Variants in RNF144B observed in about 807,000 individuals in gnomAD.
RNF144B encodes the protein E3 ubiquitin-protein ligase RNF144B.
In RNF144B, 25 loss-of-function variants were observed where a neutral mutation model predicts 40.2. The observed-to-expected ratio is 0.62, with a 90% CI of 0.45 to 0.87. The LOEUF (loss-of-function observed/expected upper bound fraction) is 0.87. Among genes scored for constraint, RNF144B ranks in the 40% least tolerant of loss-of-function variants. The pLI, the probability that RNF144B is intolerant of heterozygous loss-of-function variation, is 0.00. For missense variants in RNF144B, 365 were observed against 373.7 expected, an observed-to-expected ratio of 0.98 and a Z score of 0.19; for synonymous variants, 145 against 136.3, an observed-to-expected ratio of 1.06 and a Z score of -0.44.
chr6:18,425,056 G>GTGTGT lies in RNF144B; in HGVS notation c.166-2525_166-2524insTGTGT, dbSNP rs1758517556. On this transcript the variant is annotated intron_variant, in intron 2 of 7. Transcript: ENST00000259939. The surrounding 1 kb of genome is among the most constrained non-coding windows in gnomAD (Gnocchi z 4.2). ...TTTCACGTGTATGTGTGTATGTGTG[G>GTGTGT]GTGTGTGTGTGTGTGTGTTAAAACC... Among the ~76,000 whole-genome samples, 1 of 151,112 alleles carries GTGTGT rather than the reference G, an allele frequency of 6.6e-6. No homozygotes were observed. Among genetic ancestry groups the GTGTGT allele is most frequent in the African/African-American group, 2.4e-5 (1 of 41,170 alleles).
chr6:18,392,186 C>T (rs1188158433), intron 1 of RNF144B, among the ~76,000 whole-genome samples: 1 of 151,648 alleles, frequency 6.6e-6, no homozygotes, highest in Admixed American at 6.6e-5. Context: ...GCAGCCTGGG[C>T]GACAGAGCGA....
chr6:18,428,493 C>CTT (rs201060474), intron 3 of RNF144B, among the ~76,000 whole-genome samples: 1 of 151,250 alleles, frequency 6.6e-6, no homozygotes, highest in Admixed American at 6.6e-5. Context: ...AAATCTTTTT[C>CTT]TTTTTTTTTC....
At position 18,416,779 on chromosome 6, in the gene RNF144B, G is replaced by T. The variant is rs913114668; in HGVS notation, c.166-10802G>T. On this transcript the variant is annotated intron_variant, in intron 2 of 7. Coordinates refer to ENST00000259939, the MANE Select transcript of RNF144B (RefSeq NM_182757.4). This position sits in a 1 kb window ranked among gnomAD's most constrained non-coding sequence, Gnocchi z 5.5. ...CTCTATGGAGAGGTTGGGTAGAAAAGAGTGATGAGGGGCATAAAAGTATCT... is the reference window on the plus strand; with the variant it reads ...CTCTATGGAGAGGTTGGGTAGAAAATAGTGATGAGGGGCATAAAAGTATCT... Among the ~76,000 whole-genome samples, 1 of 152,174 alleles carries T rather than the reference G, an allele frequency of 6.6e-6. No individual in the cohort carries two copies. Among genetic ancestry groups the T allele is most frequent in the Non-Finnish European group, 1.5e-5 (1 of 68,028 alleles).
Position 18,465,857 on chromosome 6 carries a change from A to G in RNF144B, c.*790A>G, listed in dbSNP as rs1250087763. 1.3e-5 allele frequency: 2 copies of G among 152,264 alleles called. No individual in the cohort carries two copies. Among genetic ancestry groups the G allele is most frequent in the Non-Finnish European group, 2.9e-5 (2 of 68,050 alleles). 9.4% of individuals were successfully genotyped at this position (152,264 alleles called of 1,614,324 possible). A position where few individuals can be genotyped will look rare whatever the true frequency, so the allele number is the denominator to read the frequency against. ...TGTGGTCTACAGAATTGTTTCATAT[A>G]AAATACGGGTAGAGTGGTAGAGTTT... On this transcript the variant is annotated 3_prime_UTR_variant, in exon 8 of 8. Transcript: ENST00000259939.
intron 3 of RNF144B, 70 bp downstream of exon 3, chr6:18,427,755 G>A (rs1582422874): frequency 1.9e-6 from 2 of 1,032,540 alleles, no homozygotes; most frequent in East Asian, 2.5e-5. Flanking sequence ...GAGTCTTTAT[G>A]TATTTCCCTA....
Position 18,441,168 on chromosome 6 carries a change from T to TA in RNF144B, c.331+1426dup, listed in dbSNP as rs143635495. Among the ~76,000 whole-genome samples, 807 of 152,242 alleles carry TA rather than the reference T, an allele frequency of 5.3e-3. 7 individuals are homozygous for TA. The highest frequency in any genetic ancestry group is 0.018 in the African/African-American group (760 of 41,552). On this transcript the variant is annotated intron_variant, in intron 4 of 7. Transcript: ENST00000259939. The surrounding 1 kb of genome is among the most constrained non-coding windows in gnomAD (Gnocchi z 4.9). Reference sequence around the variant, plus strand: ...TAACACCAGATATGATAGCTAAAGATAAGAGCATCAACCATCTGCCCTGCC... The same window carrying TA: ...TAACACCAGATATGATAGCTAAAGATAAAGAGCATCAACCATCTGCCCTGCC...
rs948610281 is a variant in RNF144B at position 18,424,762 on chromosome 6, T to C, written c.166-2819T>C. ...TAGTTCCTATTTAATGCTAAACTTA[T>C]TCTGTAGACCCAAATATTTCTAAGA... On this transcript the variant is annotated intron_variant, in intron 2 of 7. Transcript: ENST00000259939. 2.4e-5 allele frequency among the ~76,000 whole-genome samples: 3 copies of C among 124,712 alleles called. No individual in the cohort carries two copies. In the Admixed American group the frequency reaches 2.8e-4, roughly 12 times the overall value. The allele number at this position is 124,712 out of a possible 152,430, so 81.8% of individuals were successfully genotyped here.
chr6:18,387,961 A>C (rs187596835), intron 1 of RNF144B, among the ~76,000 whole-genome samples: 1 of 152,208 alleles, frequency 6.6e-6, no homozygotes, highest in African/African-American at 2.4e-5. Flanking sequence ...ATTATGCATT[A>C]TAGTGCTTAT....
At chr6:18,423,358 T>C (rs570774805) in intron 2 of RNF144B, among the ~76,000 whole-genome samples, 3 of 152,116 alleles carry the variant, frequency 2.0e-5, no homozygotes, top group East Asian at 3.9e-4. Flanking sequence ...TATTTTTTCT[T>C]AGAAAAAAAA....
At chr6:18,427,223 G>A (rs1295833736) in intron 2 of RNF144B, among the ~76,000 whole-genome samples, 4 of 152,050 alleles carry the variant, frequency 2.6e-5, no homozygotes, top group African/African-American at 9.7e-5. Flanking sequence ...TGATGGAGAG[G>A]ACCACTAGGT....
At chr6:18,445,591 T>A (rs1332726904) in intron 4 of RNF144B, among the ~76,000 whole-genome samples, 1 of 152,220 alleles carries the variant, frequency 6.6e-6, no homozygotes, top group African/African-American at 2.4e-5. Context: ...TGAATTTGTC[T>A]ATCTCTGATG....
chr6:18,461,792 C>G (rs1345658011), intron 6 of RNF144B, among the ~76,000 whole-genome samples: 1 of 152,034 alleles, frequency 6.6e-6, no homozygotes, highest in Non-Finnish European at 1.5e-5. Flanking sequence ...TGGTGTGGAT[C>G]TCTGTTTATA....
intron 3 of RNF144B, among the ~76,000 whole-genome samples, chr6:18,437,968 G>A (rs1173484518): frequency 6.6e-6 from 1 of 152,190 alleles, no homozygotes; most frequent in Non-Finnish European, 1.5e-5. Context: ...TATTTTAGAT[G>A]AGGGTGAGTG....
chr6:18,453,134 C>T (rs1390587383), intron 4 of RNF144B, among the ~76,000 whole-genome samples: 4 of 122,752 alleles, frequency 3.3e-5, no homozygotes, highest in Non-Finnish European at 3.4e-5. Context: ...CTCTTTCTGT[C>T]TGCTTTTTTT....
chr6:18,437,209 C>A (rs1225052848), intron 3 of RNF144B, among the ~76,000 whole-genome samples: 1 of 152,098 alleles, frequency 6.6e-6, no homozygotes, highest in Admixed American at 6.6e-5. Context: ...GAAGCCAAGA[C>A]AGGAAGATCA....
At position 18,453,225 on chromosome 6, in the gene RNF144B, G is replaced by A. The variant is rs1406845133; in HGVS notation, c.332-3930G>A. On this transcript the variant is annotated intron_variant, in intron 4 of 7. Coordinates refer to ENST00000259939, the MANE Select transcript of RNF144B (RefSeq NM_182757.4). Reference sequence around the variant, plus strand: ...ACGATCTTGGTTCACTGCAACCTCCGCCTCCCAGGTTCAAATGATTCTCCT... The same window carrying A: ...ACGATCTTGGTTCACTGCAACCTCCACCTCCCAGGTTCAAATGATTCTCCT... Among the ~76,000 whole-genome samples, 4 of 132,616 alleles carry A rather than the reference G, an allele frequency of 3.0e-5. No homozygotes were observed. The East Asian group carries it at 7.2e-4, about 24-fold the overall frequency. 87.0% of individuals were successfully genotyped at this position (132,616 alleles called of 152,430 possible). A position where few individuals can be genotyped will look rare whatever the true frequency, so the allele number is the denominator to read the frequency against.
Position 18,468,753 on chromosome 6 carries a change from T to C in RNF144B, c.*3686T>C, listed in dbSNP as rs892142506. On this transcript the variant is annotated 3_prime_UTR_variant, in exon 8 of 8. Transcript: ENST00000259939. ...TACAGGCTATTATGTCTCATGTTGA[T>C]TCATGATCCAGGAAGTTTTATGTAT... 3 of 152,232 alleles carry C rather than the reference T, an allele frequency of 2.0e-5. No individual in the cohort carries two copies. Among genetic ancestry groups the C allele is most frequent in the Non-Finnish European group, 2.9e-5 (2 of 68,050 alleles). 9.4% of individuals were successfully genotyped at this position (152,232 alleles called of 1,614,324 possible).
chr6:18,407,873 TC>T (rs1794944726), intron 2 of RNF144B, among the ~76,000 whole-genome samples: 1 of 152,158 alleles, frequency 6.6e-6, no homozygotes, highest in Non-Finnish European at 1.5e-5. Flanking sequence ...TGCTATTAGT[TC>T]CAATTCTGTC....
chr6:18,453,997 T>C (rs1414019921), intron 4 of RNF144B, among the ~76,000 whole-genome samples: 1 of 152,238 alleles, frequency 6.6e-6, no homozygotes, highest in Admixed American at 6.5e-5. Context: ...GTTAATTTAT[T>C]AGGTTGGTAA....
Sources: allele counts gnomAD v4.1 joint callset (sites outside exome capture counted in the v4.1 genomes callset), GRCh38; gene constraint gnomAD v4.1.1; non-coding constraint Gnocchi (gnomAD v3.1); transcripts MANE v1.5; gene names NCBI Gene and HGNC (gene_info 2026-07-23, HGNC 2026-07-21).